The following NOL4 variants were observed in gnomAD, a reference collection of about 807,000 sequenced individuals.
NOL4 encodes nucleolar protein 4, also known as cancer/testis antigen 125.
In NOL4, 17 loss-of-function variants were observed where a neutral mutation model predicts 75.9. The ratio of observed to expected loss-of-function variants is 0.22; its 90% CI spans 0.15 to 0.34. NOL4 has a LOEUF of 0.34. Ranked by LOEUF, NOL4 falls within the 10% of genes least tolerant of loss-of-function variation. NOL4 has a pLI of 1.00. For synonymous variants in NOL4, 292 were observed against 289.9 expected, an observed-to-expected ratio of 1.01 and a Z score of -0.07; for missense variants, 614 against 793.5, an observed-to-expected ratio of 0.77 and a Z score of 2.72.
rs143442428 is a variant in NOL4 at position 34,120,561 on chromosome 18, C to T, written c.414+9310G>A. On this transcript the variant is annotated intron_variant, in intron 2 of 10. Coordinates refer to ENST00000261592, the MANE Select transcript of NOL4 (RefSeq NM_003787.5). ...TGGTCAAATTTACAATAAAAGTAGGCAAATCTGAAGAAGGTATAAAGCAGG... is the reference window on the plus strand; with the variant it reads ...TGGTCAAATTTACAATAAAAGTAGGTAAATCTGAAGAAGGTATAAAGCAGG... 2.0e-5 allele frequency among the ~76,000 whole-genome samples: 3 copies of T among 152,188 alleles called. No individual in the cohort carries two copies. The East Asian group carries it at 5.8e-4, about 29-fold the overall frequency.
rs1479445410 is a variant in NOL4 at position 34,222,978 on chromosome 18, C to A, written c.264+12G>T. 3 of 1,603,342 alleles carry A rather than the reference C, an allele frequency of 1.9e-6. No individual in the cohort carries two copies. The highest frequency in any genetic ancestry group is 1.3e-5 in the African/African-American group (1 of 75,012). On this transcript the variant is annotated intron_variant, in intron 1 of 10. Coordinates refer to ENST00000261592, the MANE Select transcript of NOL4 (RefSeq NM_003787.5). ...CCGGCAGACAAATAACAGAGGAAGG[C>A]GAGTCACTCACCGTGGTCTTGACAG... is the stretch of plus-strand genomic sequence containing the variant.
intron 6 of NOL4, among the ~76,000 whole-genome samples, chr18:33,975,034 G>A (rs2071382268): frequency 6.6e-6 from 1 of 151,884 alleles, no homozygotes; most frequent in African/African-American, 2.4e-5. Flanking sequence ...GATGAATCTT[G>A]AGTTCATTAC....
intron 6 of NOL4, among the ~76,000 whole-genome samples, chr18:33,981,115 C>A (rs2071920947): frequency 6.6e-6 from 1 of 151,890 alleles, no homozygotes; most frequent in African/African-American, 2.4e-5. Flanking sequence ...TGGAAAGAAT[C>A]TCTGAGCATG....
chr18:34,139,844 C>T (rs2081066210), intron 1 of NOL4, among the ~76,000 whole-genome samples: 1 of 152,180 alleles, frequency 6.6e-6, no homozygotes, highest in African/African-American at 2.4e-5. Flanking sequence ...CTACACACTG[C>T]TTTAAATGTG....
At chr18:34,161,027 A>G (rs2031386947) in intron 1 of NOL4, among the ~76,000 whole-genome samples, 1 of 152,078 alleles carries the variant, frequency 6.6e-6, no homozygotes. Context: ...TACTTCTATG[A>G]GATCAACTTT....
chr18:33,957,418 G>T lies in NOL4; in HGVS notation c.1336C>A (p.Arg446=), dbSNP rs767337796. The T allele has an allele frequency of 9.9e-6, 16 of 1,613,454 alleles. No individual in the cohort carries two copies. In the African/African-American group the frequency reaches 2.0e-4, roughly 20 times the overall value. ...CGCTCTTGATACTCAGGGAATTGTC[G>T]CCTGCATGAGTCAATGATAGCCTGG... ...KIQAIIDSCR[R]QFPEYQERAR... The change falls in exon 8 of 11, where the codon CGA becomes AGA. Residue 446 remains arginine, a synonymous_variant. Transcript: ENST00000261592.
chr18:34,056,315 T>C (rs534761414), intron 5 of NOL4, among the ~76,000 whole-genome samples: 1 of 152,312 alleles, frequency 6.6e-6, no homozygotes, highest in South Asian at 2.1e-4. Context: ...CCTAGCTATA[T>C]GTTTGGGAGA....
intron 10 of NOL4, among the ~76,000 whole-genome samples, chr18:33,875,557 TA>T (rs1178816604): frequency 6.6e-6 from 1 of 151,994 alleles, no homozygotes; most frequent in Non-Finnish European, 1.5e-5. Context: ...ACTCTAAAAC[TA>T]CTGTAGACCC....
chr18:34,040,438 T>C (rs1272186422), intron 5 of NOL4, among the ~76,000 whole-genome samples: 4 of 152,030 alleles, frequency 2.6e-5, no homozygotes, highest in African/African-American at 9.7e-5. Flanking sequence ...TTTGAAGTGA[T>C]TGAAGCTATT....
chr18:33,915,871 T>A (rs2066690999), intron 9 of NOL4, among the ~76,000 whole-genome samples: 3 of 152,140 alleles, frequency 2.0e-5, no homozygotes, highest in African/African-American at 7.2e-5. Context: ...TTACTCTGAG[T>A]CACGCACTAG....
chr18:33,942,531 T>C (rs954178662), intron 9 of NOL4, among the ~76,000 whole-genome samples: 5 of 151,940 alleles, frequency 3.3e-5, no homozygotes, highest in African/African-American at 1.2e-4. Flanking sequence ...TGGCATACAA[T>C]AAATGATTAA....
chr18:33,999,227 T>C (rs1388375169), intron 6 of NOL4, among the ~76,000 whole-genome samples: 2 of 151,396 alleles, frequency 1.3e-5, no homozygotes, highest in East Asian at 4.0e-4. Flanking sequence ...GGCTGTGTGC[T>C]CTAACTCCTG....
chr18:34,117,806 G>A (rs767853324), intron 2 of NOL4, among the ~76,000 whole-genome samples: 7 of 152,140 alleles, frequency 4.6e-5, no homozygotes, highest in African/African-American at 9.7e-5. Flanking sequence ...TAAGAAATTC[G>A]CCAGCAGAGA....
intron 1 of NOL4, chr18:34,222,332 GAGGAA>G: frequency 7.8e-7 from 1 of 1,280,782 alleles, no homozygotes. Context: ...AGAGGGAAGT[GAGGAA>G]GGGAATGGGG....
chr18:34,044,848 A>C (rs2076291846), intron 5 of NOL4, among the ~76,000 whole-genome samples: 1 of 152,134 alleles, frequency 6.6e-6, no homozygotes, highest in East Asian at 1.9e-4. Flanking sequence ...GCACCCATGC[A>C]CTTTCAGTCT....
At position 34,071,394 on chromosome 18, in the gene NOL4, A is replaced by T. The variant is rs112779293; in HGVS notation, c.772+22071T>A. 1.3e-3 allele frequency among the ~76,000 whole-genome samples: 204 copies of T among 151,730 alleles called. 2 individuals are homozygous for T. The highest frequency in any genetic ancestry group is 4.1e-3 in the African/African-American group (169 of 41,336). ...AAAATACTCCCGTTAAAAGGCAGAG[A>T]TTGTCAGGCTGAAGATATACACAAA... On this transcript the variant is annotated intron_variant, in intron 5 of 10. Coordinates refer to ENST00000261592, the MANE Select transcript of NOL4 (RefSeq NM_003787.5).
rs199981270 is a variant in NOL4 at position 34,093,617 on chromosome 18, A to G, written c.640-20T>C. 1.3e-5 allele frequency: 20 copies of G among 1,546,506 alleles called. No individual in the cohort carries two copies. In the East Asian group the frequency reaches 3.5e-4, roughly 27 times the overall value. On this transcript the variant is annotated intron_variant, in intron 4 of 10. Coordinates refer to ENST00000261592, the MANE Select transcript of NOL4 (RefSeq NM_003787.5). ...TTCATCCTGAAAATAGTTTTAAAAT[A>G]TCATCAAGCATTTTAACGTATAATA... is the stretch of plus-strand genomic sequence containing the variant.
chr18:34,157,333 C>T (rs1461834528), intron 1 of NOL4, among the ~76,000 whole-genome samples: 1 of 152,072 alleles, frequency 6.6e-6, no homozygotes, highest in Non-Finnish European at 1.5e-5. Flanking sequence ...ATAAATGGCC[C>T]TCATGCTTCT....
chr18:33,870,624 A>G (rs539620692), intron 10 of NOL4, among the ~76,000 whole-genome samples: 2 of 152,120 alleles, frequency 1.3e-5, no homozygotes, highest in Admixed American at 6.6e-5. Context: ...AAAAAACACA[A>G]TGAAAATAAA....
Sources: allele counts gnomAD v4.1 joint callset (sites outside exome capture counted in the v4.1 genomes callset), GRCh38; gene constraint gnomAD v4.1.1; transcripts MANE v1.5; gene names NCBI Gene and HGNC (gene_info 2026-07-23, HGNC 2026-07-21).